SLC4A4: variants seen among roughly 807,000 people sequenced by gnomAD.
SLC4A4 encodes electrogenic sodium bicarbonate cotransporter 1.
Under a neutral mutation model 111.5 loss-of-function variants are expected in SLC4A4, and 27 were observed. The ratio of observed to expected loss-of-function variants is 0.24; its 90% CI spans 0.18 to 0.33. The LOEUF is 0.33. Ranked by LOEUF, SLC4A4 falls within the 10% of genes least tolerant of loss-of-function variation. SLC4A4 has a pLI of 1.00. For synonymous variants in SLC4A4, 443 were observed against 463.4 expected (o/e 0.96, Z 0.57); for missense variants, 909 against 1,315.5 (o/e 0.69, Z 4.78).
intron 8 of SLC4A4, among the ~76,000 whole-genome samples, chr4:71,446,633 C>A (rs938141086): frequency 6.6e-6 from 1 of 152,196 alleles, no homozygotes; most frequent in Admixed American, 6.5e-5. Context: ...ACTTTCTTTA[C>A]TGCAGAGGGT....
At chr4:71,085,360 G>C (rs1283511624) in intron 1 of SLC4A4, among the ~76,000 whole-genome samples, 1 of 151,916 alleles carries the variant, frequency 6.6e-6, no homozygotes, top group Non-Finnish European at 1.5e-5. Context: ...TAGGTTGCCT[G>C]TTCACTCTGA....
chr4:71,067,208 T>C (rs1741541325), intron 1 of SLC4A4, among the ~76,000 whole-genome samples: 1 of 151,828 alleles, frequency 6.6e-6, no homozygotes, highest in South Asian at 2.1e-4. Flanking sequence ...CTTTGACATA[T>C]AGGTCACTGA....
chr4:71,181,995 C>T (rs1745308596), intron 2 of SLC4A4, among the ~76,000 whole-genome samples: 1 of 152,158 alleles, frequency 6.6e-6, no homozygotes, highest in African/African-American at 2.4e-5. Flanking sequence ...TAGTTGGACA[C>T]CCTCTTCATA....
At chr4:71,102,599 G>A (rs1344114061) in intron 2 of SLC4A4, among the ~76,000 whole-genome samples, 2 of 151,796 alleles carry the variant, frequency 1.3e-5, no homozygotes, top group African/African-American at 2.4e-5. Flanking sequence ...AGCCAGAAGA[G>A]AGTGGGGGCC....
chr4:71,289,548 T>G (rs1724172790), intron 3 of SLC4A4, among the ~76,000 whole-genome samples: 1 of 152,124 alleles, frequency 6.6e-6, no homozygotes, highest in Non-Finnish European at 1.5e-5. Context: ...CAACACAAGT[T>G]GAGAACACTT....
At chr4:71,479,254 CT>C in intron 14 of SLC4A4, among the ~76,000 whole-genome samples, 1 of 151,722 alleles carries the variant, frequency 6.6e-6, no homozygotes, top group South Asian at 2.1e-4. Context: ...TAATAGTTGG[CT>C]TTTTTCCTGG....
intron 2 of SLC4A4, among the ~76,000 whole-genome samples, chr4:71,181,208 C>T (rs1253824878): frequency 8.8e-6 from 1 of 113,550 alleles, no homozygotes. Flanking sequence ...CACACCAGGG[C>T]CTGTTGTGGG....
chr4:71,229,198 C>A (rs769503375), intron 1 of SLC4A4, among the ~76,000 whole-genome samples: 19 of 152,106 alleles, frequency 1.2e-4, no homozygotes, highest in Non-Finnish European at 2.4e-4. Context: ...TCAGCATAAC[C>A]CCCTGGAAAT....
intron 3 of SLC4A4, among the ~76,000 whole-genome samples, chr4:71,290,374 G>A (rs1314963897): frequency 6.6e-6 from 1 of 152,192 alleles, no homozygotes; most frequent in East Asian, 1.9e-4. Context: ...AGACAAAGAG[G>A]TAGTAGAAGA....
intron 1 of SLC4A4, among the ~76,000 whole-genome samples, chr4:71,085,884 T>C (rs1217446600): frequency 1.3e-5 from 2 of 152,024 alleles, no homozygotes; most frequent in African/African-American, 2.4e-5. Context: ...CTTGGCAATG[T>C]GGGCTCTTTT....
intron 2 of SLC4A4, among the ~76,000 whole-genome samples, chr4:71,160,613 G>C (rs567064619): frequency 1.3e-5 from 2 of 151,984 alleles, no homozygotes; most frequent in African/African-American, 4.8e-5. Flanking sequence ...AGGGTATTAT[G>C]AGATGGGAGA....
rs201834563 is a variant in SLC4A4, at chr4:71,196,989, C to T, written c.-2+9588C>T. ...CAGCACTTTGGGAGGCCGAGGTGGG[C>T]GGATTGTTTGAGGTCAGGAGTTCAA... is the stretch of plus-strand genomic sequence containing the variant. On this transcript the variant is annotated intron_variant, in intron 1 of 25. Coordinates refer to ENST00000264485, the MANE Select transcript of SLC4A4 (RefSeq NM_001098484.3). 6.6e-5 allele frequency among the ~76,000 whole-genome samples: 10 copies of T among 151,270 alleles called. No homozygotes were observed. In the East Asian group the frequency reaches 1.8e-3, roughly 27 times the overall value.
At chr4:71,146,159 A>C (rs947098693) in intron 2 of SLC4A4, among the ~76,000 whole-genome samples, 1 of 152,036 alleles carries the variant, frequency 6.6e-6, no homozygotes, top group South Asian at 2.1e-4. Context: ...CTTTGTTCTC[A>C]TTGGTTTCAA....
chr4:71,414,154 T>C (rs1260389358), intron 7 of SLC4A4, among the ~76,000 whole-genome samples: 3 of 152,248 alleles, frequency 2.0e-5, no homozygotes, highest in East Asian at 3.8e-4. Context: ...AAGTTGTGTG[T>C]AATTTCCAGG....
chr4:71,336,595 C>G lies in SLC4A4; in HGVS notation c.254-2775C>G, dbSNP rs148380869. ...ACAGAGCATGCATTTTTTTTCAATG[C>G]CTAGACAAACTGTCATGCTCTCTAA... On this transcript the variant is annotated intron_variant, in intron 3 of 25. Transcript: ENST00000264485. Among the ~76,000 whole-genome samples, 6 of 152,064 alleles carry G rather than the reference C, an allele frequency of 3.9e-5. No homozygotes were observed. In the South Asian group the frequency reaches 1.2e-3, roughly 32 times the overall value.
intron 7 of SLC4A4, among the ~76,000 whole-genome samples, chr4:71,409,769 G>C (rs1241488311): frequency 6.6e-6 from 1 of 152,122 alleles, no homozygotes; most frequent in East Asian, 1.9e-4. Context: ...CCATGTCAGA[G>C]ACCTTCATGA....
At chr4:71,549,369 A>G (rs1294477949) in intron 20 of SLC4A4, among the ~76,000 whole-genome samples, 1 of 151,832 alleles carries the variant, frequency 6.6e-6, no homozygotes, top group Non-Finnish European at 1.5e-5. Flanking sequence ...AGTTCACTGC[A>G]GACAATTATG....
At chr4:71,484,337 A>T (rs893795048) in intron 14 of SLC4A4, among the ~76,000 whole-genome samples, 1 of 151,656 alleles carries the variant, frequency 6.6e-6, no homozygotes, top group Non-Finnish European at 1.5e-5. Context: ...ATCCATCTTG[A>T]GTTAATTTTT....
At chr4:71,245,792 G>A (rs1159549738) in intron 2 of SLC4A4, among the ~76,000 whole-genome samples, 1 of 152,096 alleles carries the variant, frequency 6.6e-6, no homozygotes, top group African/African-American at 2.4e-5. Context: ...GTCAAAGAAT[G>A]GAGTGAGAAG....
Sources: allele counts gnomAD v4.1 joint callset (sites outside exome capture counted in the v4.1 genomes callset), GRCh38; gene constraint gnomAD v4.1.1; transcripts MANE v1.5; gene names NCBI Gene and HGNC (gene_info 2026-07-23, HGNC 2026-07-21).